ADAMTSL2: variants seen among roughly 807,000 people sequenced by gnomAD.
The protein encoded by ADAMTSL2 is ADAMTS-like protein 2.
ADAMTSL2 carries 55 observed loss-of-function variants against 117.0 expected under a neutral mutation model. That is an observed-to-expected ratio of 0.47 (90% CI 0.38 to 0.59). The LOEUF (loss-of-function observed/expected upper bound fraction) is 0.59, where lower values mean the gene tolerates loss of function less well. ADAMTSL2 is among the 20% of genes least tolerant of loss of function. The probability of loss-of-function intolerance (pLI) is 0.00; values close to 1 mark genes in which losing one functional copy is unlikely to be tolerated. For missense variants in ADAMTSL2, 1,182 were observed against 1,354.5 expected, an observed-to-expected ratio of 0.87 and a Z score of 2.00; for synonymous variants, 572 against 566.4, an observed-to-expected ratio of 1.01 and a Z score of -0.14.
chr9:133,540,925 G>C lies in ADAMTSL2; in HGVS notation c.606G>C (p.Lys202Asn). ...GVLFSTHTLD[K>N]CGICQGDGSS... is the part of the protein sequence containing the mutation. ...TTTTCTCCACCCACACACTGGACAA[G>C]TGTGGCATCTGCCAGGGGGACGGTA... Residue 202 changes from lysine (K) to asparagine (N), a missense_variant, in exon 7 of 19, where the codon AAG becomes AAC. Coordinates refer to ENST00000651351, the MANE Select transcript of ADAMTSL2 (RefSeq NM_014694.4). 1 of 1,613,446 alleles carries C rather than the reference G, an allele frequency of 6.2e-7. No individual in the cohort carries two copies. Among genetic ancestry groups the C allele is most frequent in the Middle Eastern group, 1.6e-4 (1 of 6,062 alleles).
chr9:133,549,362 G>T (rs1830430185), intron 9 of ADAMTSL2, among the ~76,000 whole-genome samples: 1 of 152,080 alleles, frequency 6.6e-6, no homozygotes, highest in Non-Finnish European at 1.5e-5. Flanking sequence ...TAGCACCTCA[G>T]AGGGGCCAGG....
At chr9:133,568,174 G>A (rs1316526427) in intron 13 of ADAMTSL2, 99 bp from the exon 14 acceptor site, 35 of 1,250,738 alleles carry the variant, frequency 2.8e-5, no homozygotes, top group Non-Finnish European at 3.2e-5. Flanking sequence ...ACCACATAGG[G>A]GAGGAAGGGA....
At chr9:133,572,962 G>A (rs998742647) in intron 17 of ADAMTSL2, among the ~76,000 whole-genome samples, 207 of 152,316 alleles carry the variant, frequency 1.4e-3, no homozygotes, top group African/African-American at 4.4e-3. Context: ...TCCTCACGCC[G>A]TCAGCGCCAA....
chr9:133,552,260 A>T (rs1260708343), intron 9 of ADAMTSL2, among the ~76,000 whole-genome samples: 1 of 152,060 alleles, frequency 6.6e-6, no homozygotes, highest in Non-Finnish European at 1.5e-5. Context: ...TCTCAAAGAG[A>T]TGTCTGGTAC....
In ADAMTSL2 at chr9:133,554,682, A is replaced by T; in HGVS notation, c.1265A>T (p.Lys422Met). The T allele has an allele frequency of 6.7e-7, 1 of 1,493,460 alleles. No individual in the cohort carries two copies. Among genetic ancestry groups the T allele is most frequent in the South Asian group, 1.3e-5 (1 of 76,230 alleles). The allele number at this position is 1,493,460 out of a possible 1,614,324, so 92.5% of individuals were successfully genotyped here. A position where few individuals can be genotyped will look rare whatever the true frequency, so the allele number is the denominator to read the frequency against. The change falls in exon 10 of 19, where the codon AAG becomes ATG. Residue 422 changes from lysine to methionine, a missense_variant. Physicochemically the swap from Lys to Met is moderately conservative, Grantham distance 95. This residue lies in a region of ADAMTSL2 where 345 missense variants were observed against 325.8 expected (regional missense o/e 1.06). Transcript: ENST00000651351. This position sits in a 1 kb window ranked among gnomAD's most constrained non-coding sequence, Gnocchi z 5.2. ...GGACEGPPRG[K>M]GFRDRNVTGT... ...GCCTGCGAGGGGCCCCCCAGGGGCA[A>T]GGGCTTCCGAGGTAACCAGGAGGAG...
intron 10 of ADAMTSL2, among the ~76,000 whole-genome samples, chr9:133,555,098 G>A (rs2131139937): frequency 6.6e-6 from 1 of 152,068 alleles, no homozygotes; most frequent in Admixed American, 6.5e-5. Flanking sequence ...GGGGGCCCCA[G>A]GCGCCCCTTG....
chr9:133,574,768 A>C lies in ADAMTSL2; in HGVS notation c.2760A>C (p.Pro920=). Reference sequence around the variant, plus strand: ...CAGATGACAGCTGCCAGGACCAGCCAGGCACCAACTGTGCCCTGGCCATCA... The same window carrying C: ...CAGATGACAGCTGCCAGGACCAGCCCGGCACCAACTGTGCCCTGGCCATCA... ...EPPDDSCQDQ[P]GTNCALAIKV... Residue 920 remains proline (P), a synonymous_variant, in exon 19 of 19, where the codon CCA becomes CCC. Transcript: ENST00000651351. 1 of 1,613,528 alleles carries C rather than the reference A, an allele frequency of 6.2e-7. No individual in the cohort carries two copies.
chr9:133,536,211 C>G (rs1308705396), intron 1 of ADAMTSL2, among the ~76,000 whole-genome samples: 1 of 152,226 alleles, frequency 6.6e-6, no homozygotes, highest in African/African-American at 2.4e-5. Context: ...GTGGCAGAGG[C>G]CATTCTCCTG....
intron 17 of ADAMTSL2, among the ~76,000 whole-genome samples, chr9:133,573,024 A>AGCAG (rs1213992115): frequency 2.6e-5 from 4 of 152,286 alleles, no homozygotes; most frequent in Admixed American, 6.5e-5. Flanking sequence ...CCTGGCTCGG[A>AGCAG]GCAGGCAGGC....
At chr9:133,562,016 G>A (rs914732767) in intron 12 of ADAMTSL2, among the ~76,000 whole-genome samples, 11 of 152,214 alleles carry the variant, frequency 7.2e-5, no homozygotes, top group African/African-American at 1.4e-4. Context: ...CCCCAGTGCC[G>A]GCTGTGAGGT....
chr9:133,556,075 C>T (rs957266794), intron 11 of ADAMTSL2, 145 bp downstream of exon 11: 46 of 1,112,454 alleles, frequency 4.1e-5, no homozygotes, highest in African/African-American at 1.6e-4. Flanking sequence ...CCCTTCTTCC[C>T]GGGGTTCTCC....
intron 12 of ADAMTSL2, among the ~76,000 whole-genome samples, chr9:133,562,282 T>G (rs1830746269): frequency 6.6e-6 from 1 of 152,212 alleles, no homozygotes; most frequent in Admixed American, 6.5e-5. Flanking sequence ...CAGGCTCTGC[T>G]CACACTGGCC....
intron 3 of ADAMTSL2, among the ~76,000 whole-genome samples, chr9:133,538,007 G>C (rs1457319331): frequency 6.6e-6 from 1 of 152,230 alleles, no homozygotes; most frequent in Non-Finnish European, 1.5e-5. Context: ...CTGAGCATCA[G>C]TTTTCTCATC....
intron 3 of ADAMTSL2, 150 bp downstream of exon 3, chr9:133,537,697 C>T (rs1830086312): frequency 2.1e-6 from 2 of 943,180 alleles, no homozygotes; most frequent in Non-Finnish European, 2.8e-6. Context: ...CCATCAGCCT[C>T]TGCTGGACGC....
rs933984220 is a variant in ADAMTSL2 at position 133,556,429 on chromosome 9, C to T, written c.1649+499C>T. On this transcript the variant is annotated intron_variant, in intron 11 of 18. Coordinates refer to ENST00000651351, the MANE Select transcript of ADAMTSL2 (RefSeq NM_014694.4). The stretch of plus-strand genomic sequence containing the variant: ...TAAGCCTGGACAGTCATGGCACACA[C>T]GCCTGTAGGAGGAGGCGGAGCTCCA... 6.6e-4 allele frequency among the ~76,000 whole-genome samples: 100 copies of T among 152,342 alleles called. 1 individual carries two copies. The highest frequency in any genetic ancestry group is 2.2e-3 in the African/African-American group (92 of 41,588).
chr9:133,535,031 C>T, intron 1 of ADAMTSL2, 114 bp downstream of exon 1: 3 of 1,286,644 alleles, frequency 2.3e-6, no homozygotes, highest in South Asian at 4.9e-5. Context: ...CGTTACATAA[C>T]GTGGGGAGGC....
chr9:133,565,725 G>A (rs1392792232), intron 12 of ADAMTSL2, among the ~76,000 whole-genome samples: 1 of 152,222 alleles, frequency 6.6e-6, no homozygotes, highest in Non-Finnish European at 1.5e-5. Flanking sequence ...GCCGCCGGGC[G>A]GCTGGGTTCT....
At chr9:133,561,367 G>C (rs1429558968) in intron 12 of ADAMTSL2, 72 bp downstream of exon 12, 5 of 1,395,106 alleles carry the variant, frequency 3.6e-6, no homozygotes, top group Non-Finnish European at 5.0e-6. Context: ...TGGGGCTGTG[G>C]GGCCCACCCA....
chr9:133,540,571 C>T lies in ADAMTSL2; in HGVS notation c.413-27C>T. On this transcript the variant is annotated intron_variant, in intron 5 of 18. Transcript: ENST00000651351. ...TCCGGCATTTCCTGCCCCGCTGAAACCTTCTGTCTTTGTCTCCCTCCACCA... is the reference window on the plus strand; with the variant it reads ...TCCGGCATTTCCTGCCCCGCTGAAATCTTCTGTCTTTGTCTCCCTCCACCA... 2.5e-6 allele frequency: 4 copies of T among 1,612,476 alleles called. No homozygotes were observed. In the African/African-American group the frequency reaches 4.0e-5, roughly 16 times the overall value.
Sources: allele counts gnomAD v4.1 joint callset (sites outside exome capture counted in the v4.1 genomes callset), GRCh38; gene constraint gnomAD v4.1.1; regional missense constraint gnomAD v4.1.1; non-coding constraint Gnocchi (gnomAD v3.1); transcripts MANE v1.5; gene names NCBI Gene and HGNC (gene_info 2026-07-23, HGNC 2026-07-21).